XKR6: variants seen among roughly 807,000 people sequenced by gnomAD.
The protein encoded by XKR6 is XK-related protein 6.
In XKR6, 22 loss-of-function variants were observed where a neutral mutation model predicts 56.7. The ratio of observed to expected loss-of-function variants is 0.39; its 90% CI spans 0.28 to 0.55. The LOEUF (loss-of-function observed/expected upper bound fraction) is 0.55, where lower values mean the gene tolerates loss of function less well. Among genes scored for constraint, XKR6 ranks in the 20% least tolerant of loss-of-function variants. The pLI is 0.66. For synonymous variants in XKR6, 524 were observed against 387.8 expected (o/e 1.35, Z -4.13); for missense variants, 852 against 889.0 (o/e 0.96, Z 0.53).
intron 1 of XKR6, chr8:11,106,734 C>A (rs1798689712): frequency 6.6e-6 from 1 of 151,156 alleles, no homozygotes. Context: ...CCTGTGGTCC[C>A]AGCTACTCAG....
intron 1 of XKR6, among the ~76,000 whole-genome samples, chr8:11,106,863 A>AAAAAAAAAAAAAAAAAAAAACAAG (rs60435831): frequency 9.1e-6 from 1 of 109,902 alleles, no homozygotes; most frequent in African/African-American, 4.6e-5. Flanking sequence ...AAAAAAAAAA[A>AAAAAAAAAAAAAAAAAAAAACAAG]AATAAAAAAG....
intron 1 of XKR6, chr8:11,123,451 C>T (rs979982131): frequency 2.0e-4 from 33 of 164,892 alleles, no homozygotes; most frequent in Admixed American, 3.5e-4. Flanking sequence ...ATTGGACAGG[C>T]AACTAAAGTA....
intron 1 of XKR6, among the ~76,000 whole-genome samples, chr8:11,006,491 T>C (rs1798371981): frequency 6.6e-6 from 1 of 152,202 alleles, no homozygotes. Context: ...TGAGGATGTA[T>C]ATTCTATTGA....
At position 10,897,806 on chromosome 8, in the gene XKR6, T is replaced by G. The variant is rs1799925495; in HGVS notation, c.*146A>C. 2.0e-6 allele frequency: 2 copies of G among 1,016,952 alleles called. No homozygotes were observed. Among genetic ancestry groups the G allele is most frequent in the Non-Finnish European group, 1.4e-6 (1 of 729,400 alleles). The allele number at this position is 1,016,952 out of a possible 1,614,324, so 63.0% of individuals were successfully genotyped here. On this transcript the variant is annotated 3_prime_UTR_variant, in exon 3 of 3. Coordinates refer to ENST00000416569, the MANE Select transcript of XKR6 (RefSeq NM_173683.4). ...GGTTGTGACTTATTAATTCTTTTTT[T>G]TTTGTAGTGGTGGTGTTGGTGTGGC... is the stretch of plus-strand genomic sequence containing the variant.
intron 1 of XKR6, among the ~76,000 whole-genome samples, chr8:10,975,065 C>G (rs1405901830): frequency 1.3e-5 from 2 of 152,204 alleles, no homozygotes; most frequent in African/African-American, 4.8e-5. Flanking sequence ...CGGGAGCTGC[C>G]TATCTCTCCT....
chr8:10,958,057 T>A (rs898710474), intron 1 of XKR6, among the ~76,000 whole-genome samples: 8 of 152,226 alleles, frequency 5.3e-5, no homozygotes, highest in South Asian at 2.1e-4. Flanking sequence ...TGTTGTGTGA[T>A]CTTCAGTAAG....
intron 1 of XKR6, among the ~76,000 whole-genome samples, chr8:11,158,066 C>T (rs895192407): frequency 6.6e-6 from 1 of 152,112 alleles, no homozygotes; most frequent in Admixed American, 6.5e-5. Flanking sequence ...AAGCTTCAAA[C>T]GTGTAATCAG....
intron 1 of XKR6, among the ~76,000 whole-genome samples, chr8:11,064,276 T>C (rs2129164957): frequency 6.6e-6 from 1 of 152,328 alleles, no homozygotes; most frequent in Middle Eastern, 3.4e-3. Flanking sequence ...AAAGAGAGGC[T>C]AAAGCTTTCC....
intron 1 of XKR6, chr8:11,129,035 T>G (rs760841260): frequency 2.0e-5 from 9 of 452,176 alleles, no homozygotes; most frequent in South Asian, 1.4e-4. Flanking sequence ...ACAGTGAAAT[T>G]AAGCACATCT....
At chr8:11,063,408 G>A (rs1383149760) in intron 1 of XKR6, among the ~76,000 whole-genome samples, 1 of 151,690 alleles carries the variant, frequency 6.6e-6, no homozygotes, top group East Asian at 1.9e-4. Context: ...TGAGGTGGGA[G>A]GATCACTTGC....
intron 1 of XKR6, among the ~76,000 whole-genome samples, chr8:11,148,523 T>A (rs144008891): frequency 6.6e-6 from 1 of 152,236 alleles, no homozygotes; most frequent in African/African-American, 2.4e-5. Flanking sequence ...ATGGCTGTGC[T>A]AGCAAACAAA....
At chr8:11,185,481 T>C (rs980841100) in intron 1 of XKR6, among the ~76,000 whole-genome samples, 3 of 152,208 alleles carry the variant, frequency 2.0e-5, no homozygotes, top group African/African-American at 7.2e-5. Flanking sequence ...ATTTACTGTA[T>C]GGGGTTTTAG....
intron 1 of XKR6, among the ~76,000 whole-genome samples, chr8:11,020,271 A>C (rs1391018534): frequency 6.6e-6 from 1 of 152,126 alleles, no homozygotes; most frequent in Non-Finnish European, 1.5e-5. Context: ...TAGGAAGCCG[A>C]CACCGTCTGT....
intron 1 of XKR6, among the ~76,000 whole-genome samples, chr8:11,106,973 C>A (rs1365671296): frequency 6.6e-6 from 1 of 151,766 alleles, no homozygotes; most frequent in Admixed American, 6.6e-5. Context: ...GGAAGGGAGA[C>A]AGAAATCAAG....
chr8:10,967,962 G>A (rs556247112), intron 1 of XKR6, among the ~76,000 whole-genome samples: 1 of 152,270 alleles, frequency 6.6e-6, no homozygotes, highest in Admixed American at 6.5e-5. Context: ...TTCCATCAGA[G>A]CCCAGATGGA....
chr8:11,167,634 A>G (rs1411118194), intron 1 of XKR6, among the ~76,000 whole-genome samples: 3 of 152,204 alleles, frequency 2.0e-5, no homozygotes, highest in African/African-American at 7.2e-5. Flanking sequence ...TTAGAAAGCC[A>G]CACACATGCT....
rs1197567748 is a variant in XKR6 at position 11,136,446 on chromosome 8, G to A, written c.764+64130C>T. Reference sequence around the variant, plus strand: ...TTGAACCCGGGGGGCGGAGGTTGTGGTGAGCCAAGATTGCGCCATTGCACT... The same window carrying A: ...TTGAACCCGGGGGGCGGAGGTTGTGATGAGCCAAGATTGCGCCATTGCACT... On this transcript the variant is annotated intron_variant, in intron 1 of 2. Transcript: ENST00000416569. Among the ~76,000 whole-genome samples, 4 of 151,366 alleles carry A rather than the reference G, an allele frequency of 2.6e-5. No homozygotes were observed. The South Asian group carries it at 8.3e-4, about 32-fold the overall frequency.
At chr8:11,125,099 AAAAAG>A (rs1383168036) in intron 1 of XKR6, among the ~76,000 whole-genome samples, 1 of 133,484 alleles carries the variant, frequency 7.5e-6, no homozygotes, top group Non-Finnish European at 1.7e-5. Flanking sequence ...AAAAAAAAAA[AAAAAG>A]AAAAAGAAAA....
At chr8:11,157,929 G>A (rs375150769) in intron 1 of XKR6, among the ~76,000 whole-genome samples, 6 of 152,068 alleles carry the variant, frequency 3.9e-5, no homozygotes, top group African/African-American at 1.4e-4. Flanking sequence ...TCCATCAAGC[G>A]GCATTAGATA....
Sources: gnomAD v4.1 joint callset for allele counts (sites outside exome capture counted in the v4.1 genomes callset) on GRCh38, gnomAD v4.1.1 for gene constraint, MANE v1.5 for transcripts, NCBI Gene and HGNC (gene_info 2026-07-23, HGNC 2026-07-21) for gene names.